The following GMEB2 variants were observed in gnomAD, a reference collection of about 807,000 sequenced individuals.
GMEB2 encodes the protein glucocorticoid modulatory element-binding protein 2.
A neutral mutation model predicts 45.7 loss-of-function variants in GMEB2; 7 were observed. The ratio of observed to expected loss-of-function variants is 0.15; its 90% CI spans 0.09 to 0.29. The LOEUF is 0.29. GMEB2 is among the 10% of genes least tolerant of loss of function. The pLI is 1.00. For missense variants in GMEB2, 582 were observed against 739.2 expected (o/e 0.79, Z 2.47); for synonymous variants, 322 against 323.6 (o/e 1.00, Z 0.05).
At chr20:63,613,322 C>G (rs1334032860) in intron 2 of GMEB2, among the ~76,000 whole-genome samples, 1 of 152,196 alleles carries the variant, frequency 6.6e-6, no homozygotes, top group African/African-American at 2.4e-5. Context: ...GAGCCACCTT[C>G]CACAGTGACC....
chr20:63,606,348 ATTTT>A (rs34155777), intron 2 of GMEB2, among the ~76,000 whole-genome samples: 1 of 139,640 alleles, frequency 7.2e-6, no homozygotes, highest in Admixed American at 7.2e-5. Context: ...ACCACAAACA[ATTTT>A]TTTTTTTTTT....
At chr20:63,613,230 A>G (rs2089583777) in intron 2 of GMEB2, among the ~76,000 whole-genome samples, 1 of 152,262 alleles carries the variant, frequency 6.6e-6, no homozygotes, top group Non-Finnish European at 1.5e-5. Flanking sequence ...AGTTAACTCA[A>G]GCATAAGATG....
In GMEB2 at chr20:63,619,561, C is replaced by A; in HGVS notation, c.-57-107G>T. 1.7e-6 allele frequency: 1 copy of A among 585,358 alleles called. No individual in the cohort carries two copies. The highest frequency in any genetic ancestry group is 2.8e-6 in the Non-Finnish European group (1 of 352,846). 36.3% of individuals were successfully genotyped at this position (585,358 alleles called of 1,614,324 possible). On this transcript the variant is annotated intron_variant, in intron 1 of 9. Transcript: ENST00000370077. This position sits in a 1 kb window ranked among gnomAD's most constrained non-coding sequence, Gnocchi z 4.6. ...AGCTCCAAAGACCCACCCTTGAGTCCCAGACTGCTACCTCCTGACAAAAAC... is the reference window on the plus strand; with the variant it reads ...AGCTCCAAAGACCCACCCTTGAGTCACAGACTGCTACCTCCTGACAAAAAC...
intron 2 of GMEB2, among the ~76,000 whole-genome samples, chr20:63,614,294 G>C (rs929908346): frequency 6.6e-6 from 1 of 152,070 alleles, no homozygotes; most frequent in African/African-American, 2.4e-5. Flanking sequence ...CATAACCTAG[G>C]AAAAACTAGG....
intron 1 of GMEB2, among the ~76,000 whole-genome samples, chr20:63,620,923 G>A (rs1017828980): frequency 2.0e-5 from 3 of 152,186 alleles, no homozygotes; most frequent in Admixed American, 6.5e-5. Context: ...GCAGAATCCA[G>A]AGACTTTCAG....
In GMEB2 at chr20:63,619,549, C is replaced by T; in HGVS notation, c.-57-95G>A. On this transcript the variant is annotated intron_variant, in intron 1 of 9. Coordinates refer to ENST00000370077, the MANE Select transcript of GMEB2 (RefSeq NM_012384.5). This position sits in a 1 kb window ranked among gnomAD's most constrained non-coding sequence, Gnocchi z 4.6. ...GCATCTCTAATCAGCTCCAAAGACC[C>T]ACCCTTGAGTCCCAGACTGCTACCT... The T allele has an allele frequency of 1.5e-6, 1 of 656,576 alleles. No individual in the cohort carries two copies. Among genetic ancestry groups the T allele is most frequent in the Non-Finnish European group, 2.4e-6 (1 of 410,580 alleles). The allele number at this position is 656,576 out of a possible 1,614,324, so 40.7% of individuals were successfully genotyped here. A position where few individuals can be genotyped will look rare whatever the true frequency, so the allele number is the denominator to read the frequency against.
At chr20:63,612,275 G>GCCAC (rs1349570364) in intron 2 of GMEB2, among the ~76,000 whole-genome samples, 5 of 152,178 alleles carry the variant, frequency 3.3e-5, no homozygotes, top group Admixed American at 3.3e-4. Context: ...TGGCCAAAGG[G>GCCAC]CCACCCTGCC....
Position 63,597,959 on chromosome 20 carries a change from A to G in GMEB2, c.358-99T>C, listed in dbSNP as rs951120696. On this transcript the variant is annotated intron_variant, in intron 4 of 9. Coordinates refer to ENST00000370077, the MANE Select transcript of GMEB2 (RefSeq NM_012384.5). Reference sequence around the variant, plus strand: ...CCTGAGTCAGGCGCGCAAGGCAGGAAAAGCGCCACGGCACGGCTCTGACCG... The same window carrying G: ...CCTGAGTCAGGCGCGCAAGGCAGGAGAAGCGCCACGGCACGGCTCTGACCG... 5.3e-6 allele frequency: 4 copies of G among 751,206 alleles called. No individual in the cohort carries two copies. In the Admixed American group the frequency reaches 5.5e-5, roughly 10 times the overall value. 46.5% of individuals were successfully genotyped at this position (751,206 alleles called of 1,614,324 possible).
chr20:63,597,135 C>A (rs981723856), intron 5 of GMEB2, among the ~76,000 whole-genome samples: 1 of 150,988 alleles, frequency 6.6e-6, no homozygotes, highest in Non-Finnish European at 1.5e-5. Flanking sequence ...ATAATTGGAA[C>A]AGACCCTTTT....
chr20:63,599,562 T>G (rs1201863242), intron 4 of GMEB2, among the ~76,000 whole-genome samples: 1 of 152,256 alleles, frequency 6.6e-6, no homozygotes, highest in East Asian at 1.9e-4. Flanking sequence ...CTGCCACCTC[T>G]GCTCCTGCGC....
At chr20:63,595,892 C>T (rs2146052291) in intron 5 of GMEB2, 125 bp from the exon 6 acceptor site, 2 of 785,526 alleles carry the variant, frequency 2.5e-6, no homozygotes, top group Middle Eastern at 2.8e-4. Context: ...GGCAGCTCCA[C>T]AGGGCAGGGT....
intron 2 of GMEB2, among the ~76,000 whole-genome samples, chr20:63,615,555 G>A (rs1185319103): frequency 6.6e-6 from 1 of 152,054 alleles, no homozygotes; most frequent in Non-Finnish European, 1.5e-5. Context: ...TCAACTCCTG[G>A]GCTCAAGCAA....
At chr20:63,614,827 C>T (rs1477923266) in intron 2 of GMEB2, among the ~76,000 whole-genome samples, 1 of 152,190 alleles carries the variant, frequency 6.6e-6, no homozygotes, top group Non-Finnish European at 1.5e-5. Context: ...GGGAAGGGCC[C>T]CCTGGCCAGT....
At chr20:63,595,538 C>G in intron 6 of GMEB2, 72 bp downstream of exon 6, 1 of 1,409,758 alleles carries the variant, frequency 7.1e-7, no homozygotes, top group South Asian at 1.3e-5. Flanking sequence ...GGAGGCCACC[C>G]AGGGGCATGT....
At chr20:63,597,256 G>A (rs1298114084) in intron 5 of GMEB2, among the ~76,000 whole-genome samples, 1 of 148,370 alleles carries the variant, frequency 6.7e-6, no homozygotes, top group Non-Finnish European at 1.5e-5. Flanking sequence ...TGACTTCCAG[G>A]CTCCAGTGAT....
chr20:63,604,514 T>C (rs1194878458), intron 3 of GMEB2, among the ~76,000 whole-genome samples: 2 of 152,190 alleles, frequency 1.3e-5, no homozygotes, highest in African/African-American at 4.8e-5. Flanking sequence ...GCCAGGTGAC[T>C]TTGCTCTCCT....
intron 2 of GMEB2, among the ~76,000 whole-genome samples, chr20:63,606,887 A>G (rs1291720234): frequency 6.6e-6 from 1 of 152,150 alleles, no homozygotes; most frequent in Admixed American, 6.5e-5. Context: ...TCCCCTAGAG[A>G]GCCCACAGGA....
intron 4 of GMEB2, among the ~76,000 whole-genome samples, chr20:63,601,494 T>C (rs957624462): frequency 3.9e-5 from 6 of 152,134 alleles, no homozygotes; most frequent in African/African-American, 1.4e-4. Context: ...TCTCTAGTCG[T>C]GTTTCTGCAG....
rs1223754487 is a variant in GMEB2, at chr20:63,588,907, G to C, written c.*1182C>G. The C allele has an allele frequency of 2.5e-6, 1 of 398,750 alleles. No homozygotes were observed. The allele number at this position is 398,750 out of a possible 1,614,324, so 24.7% of individuals were successfully genotyped here. A position where few individuals can be genotyped will look rare whatever the true frequency, so the allele number is the denominator to read the frequency against. On this transcript the variant is annotated 3_prime_UTR_variant, in exon 10 of 10. Coordinates refer to ENST00000370077, the MANE Select transcript of GMEB2 (RefSeq NM_012384.5). ...TTGTGAGTCCAAGGCCAGGTCTCAG[G>C]ACAGCCACAGACAGCCCTTCCAGAC...
Sources: allele counts gnomAD v4.1 joint callset (sites outside exome capture counted in the v4.1 genomes callset), GRCh38; gene constraint gnomAD v4.1.1; non-coding constraint Gnocchi (gnomAD v3.1); transcripts MANE v1.5; gene names NCBI Gene and HGNC (gene_info 2026-07-23, HGNC 2026-07-21).